PCDHAC1: variants seen among roughly 807,000 people sequenced by gnomAD.
PCDHAC1 encodes the protein protocadherin alpha-C1.
Under a neutral mutation model 60.0 loss-of-function variants are expected in PCDHAC1, and 42 were observed. The ratio of observed to expected loss-of-function variants is 0.70; its 90% confidence interval spans 0.55 to 0.90. PCDHAC1 has a LOEUF of 0.90. PCDHAC1 is among the 40% of genes least tolerant of loss of function. PCDHAC1 has a pLI of 0.00. For missense variants in PCDHAC1, 1,160 were observed against 1,222.3 expected, an observed-to-expected ratio of 0.95 and a Z score of 0.76; for synonymous variants, 468 against 499.3, an observed-to-expected ratio of 0.94 and a Z score of 0.84.
At chr5:140,934,690 T>G (rs1263392505) in intron 1 of PCDHAC1, among the ~76,000 whole-genome samples, 1 of 152,198 alleles carries the variant, frequency 6.6e-6, no homozygotes, top group Non-Finnish European at 1.5e-5. Flanking sequence ...AAACAATGAA[T>G]TGATTCCTGG....
intron 1 of PCDHAC1, among the ~76,000 whole-genome samples, chr5:140,949,517 C>T (rs2094387959): frequency 6.6e-6 from 1 of 151,706 alleles, no homozygotes; most frequent in African/African-American, 2.4e-5. Context: ...TTTATTGATC[C>T]TTTTATCTTC....
intron 3 of PCDHAC1, among the ~76,000 whole-genome samples, chr5:140,993,203 A>AT (rs200893072): frequency 0.015 from 2,264 of 152,198 alleles, 62 homozygotes; most frequent in African/African-American, 0.051. Flanking sequence ...ACTAAAGCTA[A>AT]TTTTTTTAGC....
At chr5:140,943,908 C>G (rs1554216015) in intron 1 of PCDHAC1, among the ~76,000 whole-genome samples, 1 of 152,198 alleles carries the variant, frequency 6.6e-6, no homozygotes, top group Admixed American at 6.5e-5. Context: ...GTCATGAGCA[C>G]TTTAGCATGA....
chr5:141,009,710 C>A lies in PCDHAC1; in HGVS notation c.2665C>A (p.Pro889Thr), dbSNP rs2098413865. 1 of 1,613,980 alleles carries A rather than the reference C, an allele frequency of 6.2e-7. No individual in the cohort carries two copies. Among genetic ancestry groups the A allele is most frequent in the African/African-American group, 1.3e-5 (1 of 74,884 alleles). Residue 889 changes from proline (P) to threonine (T), a missense_variant, in exon 4 of 4, where the codon CCC becomes ACC. Pro to Thr is a conservative substitution (Grantham distance 38). Transcript: ENST00000253807. ...GACCTTTAAATACGGACCAGGCAAC[C>A]CCAAACAATCCGGTCCCGGTGAGTT... ...SWTFKYGPGN[P>T]KQSGPGELPD...
Position 140,926,904 on chromosome 5 carries a change from T to G in PCDHAC1, c.12T>G (p.Cys4Trp), listed in dbSNP as rs150445810. Reference sequence around the variant, plus strand: ...CGCCTAGAGGGAGGATGGTGGGCTGTGGGGTGGCAGTTTTATGTTTGTGGG... The same window carrying G: ...CGCCTAGAGGGAGGATGGTGGGCTGGGGGGTGGCAGTTTTATGTTTGTGGG... MVG[C>W]GVAVLCLWVS... Residue 4 changes from cysteine (C) to tryptophan (W), a missense_variant, in exon 1 of 4, where the codon TGT (cysteine) becomes TGG (tryptophan). This residue lies in a region of PCDHAC1 where 43 missense variants were observed against 40.4 expected (regional missense o/e 1.06). Transcript: ENST00000253807. 5,017 of 1,557,626 alleles carry G rather than the reference T, an allele frequency of 3.2e-3. 25 individuals carry two copies. Among genetic ancestry groups the G allele is most frequent in the African/African-American group, 0.019 (1,427 of 73,544 alleles).
At chr5:140,968,167 A>C (rs782252124) in intron 1 of PCDHAC1, 1 of 1,614,076 alleles carries the variant, frequency 6.2e-7, no homozygotes, top group Admixed American at 1.7e-5. Flanking sequence ...ACAATCCACC[A>C]AGCTTCCTGG....
chr5:140,929,189 A>G lies in PCDHAC1; in HGVS notation c.2297A>G (p.Asn766Ser), dbSNP rs782622519. 3.8e-5 allele frequency: 62 copies of G among 1,614,180 alleles called. No individual in the cohort carries two copies. Among genetic ancestry groups the G allele is most frequent in the Non-Finnish European group, 4.7e-5 (56 of 1,180,034 alleles). The change falls in exon 1 of 4, where the codon AAT becomes AGT. Residue 766 changes from asparagine (N) to serine (S), a missense_variant. Asn to Ser is a conservative substitution (Grantham distance 46). Transcript: ENST00000253807. Reference sequence around the variant, plus strand: ...GCCTCTCTGGGACTTGGTTCTGATAATAACAGTTTGCTGTTGCGTGGGGAG... The same window carrying G: ...GCCTCTCTGGGACTTGGTTCTGATAGTAACAGTTTGCTGTTGCGTGGGGAG... ...YRASLGLGSD[N>S]NSLLLRGEYN... is the part of the protein sequence containing the mutation.
chr5:141,011,288 T>C lies in PCDHAC1; in HGVS notation c.*1351T>C, dbSNP rs1379355395. 1 of 153,798 alleles carries C rather than the reference T, an allele frequency of 6.5e-6. No individual in the cohort carries two copies. Among genetic ancestry groups the C allele is most frequent in the Non-Finnish European group, 1.5e-5 (1 of 68,050 alleles). The allele number at this position is 153,798 out of a possible 1,614,324, so 9.5% of individuals were successfully genotyped here. A position where few individuals can be genotyped will look rare whatever the true frequency, so the allele number is the denominator to read the frequency against. On this transcript the variant is annotated 3_prime_UTR_variant, in exon 4 of 4. Transcript: ENST00000253807. ...CTTCTCTTTGGTTTAGTTTTCCTTT[T>C]CTATAACACTCTGAATTGCTAATCT... is the stretch of plus-strand genomic sequence containing the variant.
intron 1 of PCDHAC1, among the ~76,000 whole-genome samples, chr5:140,935,702 T>C (rs975188692): frequency 1.3e-5 from 2 of 152,152 alleles, no homozygotes; most frequent in Admixed American, 1.3e-4. Context: ...AATAAACTTA[T>C]AAAACAAAAT....
At chr5:140,967,785 G>A (rs1554229943) in intron 1 of PCDHAC1, 6 of 1,614,176 alleles carry the variant, frequency 3.7e-6, no homozygotes, top group Admixed American at 3.3e-5. Context: ...GCGACTGACC[G>A]GGGTCCAGTG....
intron 3 of PCDHAC1, among the ~76,000 whole-genome samples, chr5:140,987,333 T>C (rs1470731690): frequency 6.6e-6 from 1 of 152,158 alleles, no homozygotes; most frequent in East Asian, 1.9e-4. Context: ...TAAGAACTGG[T>C]CTAAGGTAAA....
intron 1 of PCDHAC1, among the ~76,000 whole-genome samples, chr5:140,943,277 AGAAAG>A (rs797041544): frequency 8.1e-4 from 104 of 129,164 alleles, no homozygotes; most frequent in African/African-American, 3.0e-3. Context: ...AAAAAAAAAA[AGAAAG>A]AAAGAATTAA....
At chr5:140,998,210 A>G (rs2097801454) in intron 3 of PCDHAC1, among the ~76,000 whole-genome samples, 1 of 152,218 alleles carries the variant, frequency 6.6e-6, no homozygotes, top group South Asian at 2.1e-4. Flanking sequence ...TTTAATCTGT[A>G]TAACCACACC....
At chr5:140,960,511 C>T (rs2153725482) in intron 1 of PCDHAC1, among the ~76,000 whole-genome samples, 1 of 152,156 alleles carries the variant, frequency 6.6e-6, no homozygotes, top group East Asian at 1.9e-4. Context: ...AAGCAGCAAA[C>T]ATAATGGGTA....
chr5:140,988,324 C>T (rs2097292768), intron 3 of PCDHAC1, among the ~76,000 whole-genome samples: 1 of 152,206 alleles, frequency 6.6e-6, no homozygotes, highest in African/African-American at 2.4e-5. Flanking sequence ...CTTTCTCTAC[C>T]CGAGGAAAGT....
chr5:140,967,334 A>T, intron 1 of PCDHAC1: 1 of 1,608,228 alleles, frequency 6.2e-7, no homozygotes, highest in South Asian at 1.1e-5. Flanking sequence ...GCTCAGCCCC[A>T]GCGAGCACTT....
At chr5:140,961,984 C>T (rs1037951528) in intron 1 of PCDHAC1, among the ~76,000 whole-genome samples, 69 of 151,884 alleles carry the variant, frequency 4.5e-4, no homozygotes, top group African/African-American at 1.5e-3. Context: ...CCTGGGTTCA[C>T]GCCATTGTCC....
At position 140,976,185 on chromosome 5, in the gene PCDHAC1, A is replaced by G. The variant is rs545410193; in HGVS notation, c.2434-2764A>G. Among the ~76,000 whole-genome samples the G allele has an allele frequency of 4.6e-5, 7 of 152,340 alleles. No homozygotes were observed. The South Asian group carries it at 1.2e-3, about 27-fold the overall frequency. ...TTTAGTTTTGTATTGTTTTAAATCAATATCCTGGAAACTCAGAAGTAAAAA... is the reference window on the plus strand; with the variant it reads ...TTTAGTTTTGTATTGTTTTAAATCAGTATCCTGGAAACTCAGAAGTAAAAA... On this transcript the variant is annotated intron_variant, in intron 1 of 3. Coordinates refer to ENST00000253807, the MANE Select transcript of PCDHAC1 (RefSeq NM_018898.5).
rs1038140347 is a variant in PCDHAC1 at position 140,928,220 on chromosome 5, C to T, written c.1328C>T (p.Pro443Leu). Residue 443 changes from proline (P) to leucine (L), a missense_variant, in exon 1 of 4, where the codon CCA (proline) becomes CTA (leucine). Physicochemically the swap from Pro to Leu is moderately conservative, Grantham distance 98 (BLOSUM62 -3). Transcript: ENST00000253807. Reference protein sequence around the residue: ...VSVADVNDNTPNFPQPQQELF... With the variant: ...VSVADVNDNTLNFPQPQQELF... ...GTTGCTGATGTGAATGACAATACAC[C>T]AAACTTTCCTCAACCCCAGCAGGAA... The T allele has an allele frequency of 2.5e-6, 4 of 1,614,048 alleles. No individual in the cohort carries two copies. The Admixed American group carries it at 5.0e-5, about 20-fold the overall frequency.
Sources: gnomAD v4.1 joint callset for allele counts (sites outside exome capture counted in the v4.1 genomes callset) on GRCh38, gnomAD v4.1.1 for gene constraint, gnomAD v4.1.1 regional missense constraint, MANE v1.5 for transcripts, NCBI Gene and HGNC (gene_info 2026-07-23, HGNC 2026-07-21) for gene names.